CRPPA: variants seen among roughly 807,000 people sequenced by gnomAD.
CRPPA encodes the protein CDP-L-ribitol pyrophosphorylase A, also known as D-ribitol-5-phosphate cytidylyltransferase.
A neutral mutation model predicts 52.0 loss-of-function variants in CRPPA; 43 were observed. The ratio of observed to expected loss-of-function variants is 0.83; its 90% confidence interval spans 0.65 to 1.07. The LOEUF (loss-of-function observed/expected upper bound fraction) is 1.07. Ranked by LOEUF, CRPPA falls within the 50% of genes least tolerant of loss-of-function variation. CRPPA has a pLI of 0.00. For synonymous variants in CRPPA, 250 were observed against 203.5 expected (o/e 1.23, Z -1.94); for missense variants, 629 against 551.7 (o/e 1.14, Z -1.40).
chr7:16,380,815 T>A (rs1280366085), intron 2 of CRPPA, among the ~76,000 whole-genome samples: 1 of 152,252 alleles, frequency 6.6e-6, no homozygotes. Flanking sequence ...TAGTTCGTAT[T>A]TCTGTGGGAT....
chr7:16,353,386 T>C (rs887450616), intron 3 of CRPPA, among the ~76,000 whole-genome samples: 3 of 151,700 alleles, frequency 2.0e-5, no homozygotes, highest in Non-Finnish European at 4.4e-5. Flanking sequence ...AAAAGTCAAA[T>C]TCATGGAAGC....
In CRPPA at chr7:16,091,792, T is replaced by C. The variant is rs1480096403; in HGVS notation, c.1259A>G (p.Gln420Arg). ...GLLISYPQDD[Q>R]KLQESLRQGA... Reference sequence around the variant, plus strand: ...TTGCCTTAAACTCTCCTGTAGCTTCTGATCATCCTGAAAAGAAAGGATAAA... The same window carrying C: ...TTGCCTTAAACTCTCCTGTAGCTTCCGATCATCCTGAAAAGAAAGGATAAA... The change falls in exon 10 of 10, where the codon CAG (glutamine) becomes CGG (arginine). Residue 420 changes from glutamine (Q) to arginine (R), a missense_variant. Gln to Arg is a conservative substitution (Grantham distance 43). Coordinates refer to ENST00000407010, the MANE Select transcript of CRPPA (RefSeq NM_001101426.4). 4 of 1,501,188 alleles carry C rather than the reference T, an allele frequency of 2.7e-6. No individual in the cohort carries two copies. The highest frequency in any genetic ancestry group is 3.6e-6 in the Non-Finnish European group (4 of 1,118,922). The allele number at this position is 1,501,188 out of a possible 1,614,324, so 93.0% of individuals were successfully genotyped here. A position where few individuals can be genotyped will look rare whatever the true frequency, so the allele number is the denominator to read the frequency against.
At chr7:16,277,452 G>A (rs1034079167) in intron 6 of CRPPA, 1 of 151,252 alleles carries the variant, frequency 6.6e-6, no homozygotes, top group Non-Finnish European at 1.5e-5. Flanking sequence ...TTGTCAAAAG[G>A]TCATCACATA....
chr7:16,158,189 T>C (rs1783227429), intron 9 of CRPPA, among the ~76,000 whole-genome samples: 1 of 152,014 alleles, frequency 6.6e-6, no homozygotes, highest in Non-Finnish European at 1.5e-5. Flanking sequence ...TGGCCAAATG[T>C]AGATATTTCT....
intron 2 of CRPPA, among the ~76,000 whole-genome samples, chr7:16,378,254 T>TC (rs1418108753): frequency 2.5e-5 from 2 of 79,290 alleles, no homozygotes; most frequent in African/African-American, 5.0e-5. Context: ...ATGCTATCCC[T>TC]CCCCCCTCCC....
At chr7:16,320,916 C>T (rs552720100) in intron 3 of CRPPA, among the ~76,000 whole-genome samples, 1 of 152,126 alleles carries the variant, frequency 6.6e-6, no homozygotes, top group African/African-American at 2.4e-5. Flanking sequence ...AATATAGCTA[C>T]AACCATCACT....
intron 3 of CRPPA, among the ~76,000 whole-genome samples, chr7:16,321,427 T>C (rs1242141262): frequency 6.6e-6 from 1 of 152,070 alleles, no homozygotes; most frequent in Non-Finnish European, 1.5e-5. Flanking sequence ...ACATGTGACA[T>C]ATCTAACCCC....
intron 6 of CRPPA, chr7:16,269,731 T>C (rs889871625): frequency 6.6e-6 from 1 of 152,168 alleles, no homozygotes; most frequent in Non-Finnish European, 1.5e-5. Context: ...CTTGGAACCA[T>C]TGTTTAGCTA....
chr7:16,286,097 A>ATATATATATATATATATAT lies in CRPPA; in HGVS notation c.836-7872_836-7871insATATATATATATATATATA, dbSNP rs1554309941. ...TATATATATAATATTTAAAAAAAAA[A>ATATATATATATATATATAT]ATATATATATATATATATATGCCAA... is the stretch of plus-strand genomic sequence containing the variant. On this transcript the variant is annotated intron_variant, in intron 5 of 9. Transcript: ENST00000407010. Among the ~76,000 whole-genome samples, 39 of 39,110 alleles carry ATATATATATATATATATAT rather than the reference A, an allele frequency of 1.0e-3. 2 individuals are homozygous for ATATATATATATATATATAT. The highest frequency in any genetic ancestry group is 5.5e-3 in the African/African-American group (30 of 5,444). 25.7% of individuals were successfully genotyped at this position (39,110 alleles called of 152,430 possible).
At chr7:16,311,623 A>G (rs575635437) in intron 3 of CRPPA, among the ~76,000 whole-genome samples, 6 of 152,092 alleles carry the variant, frequency 3.9e-5, no homozygotes, top group Non-Finnish European at 8.8e-5. Context: ...TAAAGCTGCT[A>G]TAAACATTCA....
At chr7:16,192,137 T>C (rs1781627663) in intron 9 of CRPPA, among the ~76,000 whole-genome samples, 1 of 152,110 alleles carries the variant, frequency 6.6e-6, no homozygotes, top group Non-Finnish European at 1.5e-5. Context: ...AATCCAATGA[T>C]AGTTCTTAAA....
Position 16,091,382 on chromosome 7 carries a change from T to A in CRPPA, c.*313A>T, listed in dbSNP as rs1781833744. ...TCTAAATTCTCATTCCTTGAAAGAA[T>A]AGCTCACCCCATCATTATTTCTATT... On this transcript the variant is annotated 3_prime_UTR_variant, in exon 10 of 10. Transcript: ENST00000407010. The A allele has an allele frequency of 4.7e-6, 1 of 210,750 alleles. No homozygotes were observed. The highest frequency in any genetic ancestry group is 2.4e-5 in the African/African-American group (1 of 42,532). 13.1% of individuals were successfully genotyped at this position (210,750 alleles called of 1,614,324 possible). A position where few individuals can be genotyped will look rare whatever the true frequency, so the allele number is the denominator to read the frequency against.
At position 16,310,621 on chromosome 7, in the gene CRPPA, C is replaced by T. The variant is rs10262653; in HGVS notation, c.685-1994G>A. On this transcript the variant is annotated intron_variant, in intron 3 of 9. Coordinates refer to ENST00000407010, the MANE Select transcript of CRPPA (RefSeq NM_001101426.4). ...AGGAAAGAGTCGTGTGACTCATCGACAAAGTCAAATACCCAAATAAAAATA... is the reference window on the plus strand; with the variant it reads ...AGGAAAGAGTCGTGTGACTCATCGATAAAGTCAAATACCCAAATAAAAATA... 9.1e-3 allele frequency among the ~76,000 whole-genome samples: 1,376 copies of T among 152,008 alleles called. 24 individuals are homozygous for T. Among genetic ancestry groups the T allele is most frequent in the African/African-American group, 0.032 (1,343 of 41,470 alleles).
At position 16,090,549 on chromosome 7, in the gene CRPPA, CAAAAAAAAAAAAAAA is replaced by C. The variant is rs56034283; in HGVS notation, c.*1131_*1145del. ...CGAAAACCCTTCTCTACTAAAAATA[CAAAAAAAAAAAAAAA>C]AAAAAAAAATTAGCCAGGTGTGGTG... On this transcript the variant is annotated 3_prime_UTR_variant, in exon 10 of 10. Coordinates refer to ENST00000407010, the MANE Select transcript of CRPPA (RefSeq NM_001101426.4). 1 of 82,220 alleles carries C rather than the reference CAAAAAAAAAAAAAAA, an allele frequency of 1.2e-5. No homozygotes were observed. The highest frequency in any genetic ancestry group is 5.4e-5 in the African/African-American group (1 of 18,414). 5.1% of individuals were successfully genotyped at this position (82,220 alleles called of 1,614,324 possible).
intron 6 of CRPPA, among the ~76,000 whole-genome samples, chr7:16,273,703 T>C (rs1323798915): frequency 2.0e-5 from 3 of 152,186 alleles, no homozygotes; most frequent in African/African-American, 4.8e-5. Context: ...GTTGTCATCC[T>C]ACCCTCCACT....
rs1190770291 is a variant in CRPPA, at chr7:16,342,793, ATATATC to A, written c.684+33293_684+33298del. On this transcript the variant is annotated intron_variant, in intron 3 of 9. Coordinates refer to ENST00000407010, the MANE Select transcript of CRPPA (RefSeq NM_001101426.4). ...AAAAAAAAAAAAAAAATATATATATATATATCTATATAGATATATAGATATACATAT... is the reference window on the plus strand; with the variant it reads ...AAAAAAAAAAAAAAAATATATATATATATATAGATATATAGATATACATAT... Among the ~76,000 whole-genome samples the A allele has an allele frequency of 5.3e-5, 6 of 112,860 alleles. 1 individual carries two copies. The highest frequency in any genetic ancestry group is 1.9e-4 in the African/African-American group (6 of 31,354). 74.0% of individuals were successfully genotyped at this position (112,860 alleles called of 152,430 possible).
chr7:16,293,750 T>C (rs1784611250), intron 5 of CRPPA, among the ~76,000 whole-genome samples: 1 of 151,936 alleles, frequency 6.6e-6, no homozygotes, highest in African/African-American at 2.4e-5. Flanking sequence ...CAATGGCACA[T>C]AGGCAGATTT....
chr7:16,397,550 AATGTG>A (rs544083241), intron 2 of CRPPA, among the ~76,000 whole-genome samples: 44 of 152,248 alleles, frequency 2.9e-4, no homozygotes, highest in Admixed American at 5.9e-4. Context: ...TGATTGACGA[AATGTG>A]ATGTGACCAA....
chr7:16,384,323 A>G (rs989914159), intron 2 of CRPPA, among the ~76,000 whole-genome samples: 3 of 152,226 alleles, frequency 2.0e-5, no homozygotes, highest in Non-Finnish European at 2.9e-5. Context: ...GTAAGCAATT[A>G]AAAGAATGCT....
Sources: allele counts gnomAD v4.1 joint callset (sites outside exome capture counted in the v4.1 genomes callset), GRCh38; gene constraint gnomAD v4.1.1; transcripts MANE v1.5; gene names NCBI Gene and HGNC (gene_info 2026-07-23, HGNC 2026-07-21).